The following PDE4D variants were observed in gnomAD, a reference collection of about 807,000 sequenced individuals.
PDE4D encodes 3',5'-cyclic-AMP phosphodiesterase 4D.
In PDE4D, 24 loss-of-function variants were observed where a neutral mutation model predicts 87.4. The observed-to-expected ratio is 0.27, with a 90% CI of 0.20 to 0.39. PDE4D has a LOEUF of 0.39. PDE4D is among the 10% of genes least tolerant of loss of function. The probability of loss-of-function intolerance (pLI) is 1.00; values close to 1 mark genes in which losing one functional copy is unlikely to be tolerated. For missense variants in PDE4D, 714 were observed against 1,041.0 expected (o/e 0.69, Z 4.32); for synonymous variants, 384 against 383.2 (o/e 1.00, Z -0.02).
chr5:59,635,804 A>C (rs1233129031), intron 1 of PDE4D, among the ~76,000 whole-genome samples: 1 of 152,238 alleles, frequency 6.6e-6, no homozygotes, highest in Non-Finnish European at 1.5e-5. Flanking sequence ...AGCTGGAAGT[A>C]TTCCCTTTGA....
At chr5:59,904,031 T>C (rs2152764532) in intron 3 of PDE4D, among the ~76,000 whole-genome samples, 1 of 152,256 alleles carries the variant, frequency 6.6e-6, no homozygotes, top group Non-Finnish European at 1.5e-5. Flanking sequence ...AAAATATACA[T>C]GATAGGACTT....
At chr5:59,365,918 A>C (rs770992737) in intron 1 of PDE4D, among the ~76,000 whole-genome samples, 3 of 152,222 alleles carry the variant, frequency 2.0e-5, no homozygotes, top group Non-Finnish European at 4.4e-5. Flanking sequence ...TAGGGCAATC[A>C]GTCCTGGAAT....
At chr5:59,471,311 C>G (rs375456639) in intron 1 of PDE4D, among the ~76,000 whole-genome samples, 1 of 152,098 alleles carries the variant, frequency 6.6e-6, no homozygotes, top group African/African-American at 2.4e-5. Context: ...CCTGTATTGC[C>G]ATTTTAAAAG....
intron 2 of PDE4D, among the ~76,000 whole-genome samples, chr5:60,112,964 G>C (rs1049510663): frequency 2.6e-5 from 4 of 152,032 alleles, no homozygotes; most frequent in Non-Finnish European, 5.9e-5. Flanking sequence ...TGCTTTCAAG[G>C]GTGAGGGTTG....
intron 2 of PDE4D, chr5:60,021,676 T>C (rs923253340): frequency 6.6e-6 from 1 of 152,184 alleles, no homozygotes; most frequent in Admixed American, 6.5e-5. Context: ...AATTACCGGA[T>C]GCTCTGTTAT....
At chr5:59,796,190 G>C (rs1766460060) in intron 1 of PDE4D, among the ~76,000 whole-genome samples, 1 of 152,170 alleles carries the variant, frequency 6.6e-6, no homozygotes, top group African/African-American at 2.4e-5. Context: ...GGTGTCTTGG[G>C]AGAAATTTCT....
chr5:59,530,826 T>C (rs1400568205), intron 1 of PDE4D, among the ~76,000 whole-genome samples: 5 of 152,194 alleles, frequency 3.3e-5, no homozygotes, highest in African/African-American at 1.2e-4. Context: ...AAATTTATTA[T>C]AGCAACAACT....
At chr5:60,218,792 C>A (rs1744164148) in intron 1 of PDE4D, among the ~76,000 whole-genome samples, 1 of 152,010 alleles carries the variant, frequency 6.6e-6, no homozygotes, top group African/African-American at 2.4e-5. Flanking sequence ...CTTTCTTGAT[C>A]CACAAGATCA....
intron 1 of PDE4D, chr5:59,703,697 C>T (rs1752950460): frequency 2.0e-6 from 1 of 490,742 alleles, no homozygotes; most frequent in Admixed American, 2.2e-5. Context: ...AATCAAAGAG[C>T]ACAGATTGAC....
chr5:60,293,884 T>C (rs1357775456), intron 1 of PDE4D, among the ~76,000 whole-genome samples: 4 of 152,210 alleles, frequency 2.6e-5, no homozygotes, highest in Non-Finnish European at 5.9e-5. Flanking sequence ...TTTATGAATA[T>C]TTTAACAAGT....
chr5:59,459,022 T>C (rs1191822770), intron 1 of PDE4D, among the ~76,000 whole-genome samples: 1 of 152,236 alleles, frequency 6.6e-6, no homozygotes, highest in African/African-American at 2.4e-5. Context: ...CATGATTGAA[T>C]TTATAATGAA....
At chr5:59,084,121 T>G (rs1767263790) in intron 5 of PDE4D, among the ~76,000 whole-genome samples, 1 of 151,982 alleles carries the variant, frequency 6.6e-6, no homozygotes, top group African/African-American at 2.4e-5. Flanking sequence ...TTTCTTAAAA[T>G]CCATAATAAT....
At chr5:59,711,734 A>T (rs1271364473) in intron 1 of PDE4D, among the ~76,000 whole-genome samples, 5 of 152,196 alleles carry the variant, frequency 3.3e-5, no homozygotes, top group Non-Finnish European at 7.4e-5. Context: ...TTATTAATAC[A>T]CTATGCATCT....
intron 1 of PDE4D, among the ~76,000 whole-genome samples, chr5:60,259,132 T>G (rs1458221183): frequency 6.6e-6 from 1 of 152,078 alleles, no homozygotes; most frequent in East Asian, 1.9e-4. Context: ...TTTTCAACAT[T>G]TATTGAGTTC....
chr5:60,221,539 T>C (rs1428341084), intron 1 of PDE4D, among the ~76,000 whole-genome samples: 1 of 152,100 alleles, frequency 6.6e-6, no homozygotes, highest in African/African-American at 2.4e-5. Context: ...AGTGTACTGT[T>C]GAGTTGATTT....
intron 3 of PDE4D, among the ~76,000 whole-genome samples, chr5:59,975,325 C>A (rs1488221489): frequency 6.6e-6 from 1 of 152,188 alleles, no homozygotes; most frequent in Non-Finnish European, 1.5e-5. Flanking sequence ...CCCTGACACC[C>A]TTCTATGTCT....
At chr5:59,436,101 T>G (rs1796764764) in intron 1 of PDE4D, among the ~76,000 whole-genome samples, 1 of 152,186 alleles carries the variant, frequency 6.6e-6, no homozygotes, top group Non-Finnish European at 1.5e-5. Flanking sequence ...TCAAAATTAA[T>G]TAAACACTCT....
chr5:60,072,855 C>T (rs985282449), intron 2 of PDE4D, among the ~76,000 whole-genome samples: 3 of 152,210 alleles, frequency 2.0e-5, no homozygotes, highest in South Asian at 4.2e-4. Flanking sequence ...GGTCATGTTT[C>T]TGTTTTTATA....
chr5:60,466,023 C>T (rs913881858), intron 1 of PDE4D, among the ~76,000 whole-genome samples: 3 of 152,192 alleles, frequency 2.0e-5, no homozygotes, highest in Middle Eastern at 3.4e-3. Context: ...AATTCTAAGT[C>T]GAACCATCAT....
Sources: gnomAD v4.1 joint callset for allele counts (sites outside exome capture counted in the v4.1 genomes callset) on GRCh38, gnomAD v4.1.1 for gene constraint, MANE v1.5 for transcripts, NCBI Gene and HGNC (gene_info 2026-07-23, HGNC 2026-07-21) for gene names.